Variants in ZNF823 observed in about 807,000 individuals in gnomAD.
The protein encoded by ZNF823 is ZFP 36 for a zinc finger protein.
In ZNF823, 5 loss-of-function variants were observed where a neutral mutation model predicts 11.4. That is an observed-to-expected ratio of 0.44 (90% CI 0.23 to 0.92). The LOEUF is 0.92. Among genes scored for constraint, ZNF823 ranks in the 40% least tolerant of loss-of-function variants. ZNF823 has a pLI of 0.24. For missense variants in ZNF823, 582 were observed against 738.5 expected, an observed-to-expected ratio of 0.79 and a Z score of 2.46; for synonymous variants, 234 against 250.5, an observed-to-expected ratio of 0.93 and a Z score of 0.62.
rs1325256455 is a variant in ZNF823 at position 11,724,197 on chromosome 19, A to G, written c.188T>C (p.Leu63Pro). 1 of 1,608,734 alleles carries G rather than the reference A, an allele frequency of 6.2e-7. No individual in the cohort carries two copies. The highest frequency in any genetic ancestry group is 2.2e-5 in the East Asian group (1 of 44,584). ...GDQCQNAKRNLRSHTCEIKDD... is the reference protein window; with the variant it reads ...GDQCQNAKRNPRSHTCEIKDD... Reference sequence around the variant, plus strand: ...TTCTTTTGTGGGTGCAAATTACCTTAGATTTCTCTTGGCATTTTGGCACTG... The same window carrying G: ...TTCTTTTGTGGGTGCAAATTACCTTGGATTTCTCTTGGCATTTTGGCACTG... Residue 63 changes from leucine (L) to proline (P), a missense_variant, in exon 3 of 4, where the codon CTA becomes CCA. Coordinates refer to ENST00000341191, the MANE Select transcript of ZNF823 (RefSeq NM_001080493.4).
At chr19:11,728,180 ACT>A (rs1192867707) in intron 1 of ZNF823, among the ~76,000 whole-genome samples, 1 of 151,884 alleles carries the variant, frequency 6.6e-6, no homozygotes, top group East Asian at 1.9e-4. Flanking sequence ...CCCGGCCAAG[ACT>A]CTCTTTTCCA....
intron 1 of ZNF823, among the ~76,000 whole-genome samples, chr19:11,738,331 G>A (rs1194833810): frequency 6.6e-6 from 1 of 152,188 alleles, no homozygotes; most frequent in South Asian, 2.1e-4. Context: ...AGTCCCAGGA[G>A]TCACCTCTCA....
chr19:11,731,932 C>A (rs534172828), intron 1 of ZNF823, among the ~76,000 whole-genome samples: 5 of 150,898 alleles, frequency 3.3e-5, no homozygotes, highest in Non-Finnish European at 7.4e-5. Context: ...TCGTTTGAAC[C>A]CGTGAGGCAG....
chr19:11,727,816 A>G (rs1198167788), intron 1 of ZNF823, among the ~76,000 whole-genome samples: 1 of 152,144 alleles, frequency 6.6e-6, no homozygotes, highest in Non-Finnish European at 1.5e-5. Flanking sequence ...TCTTACTTGC[A>G]AATTATTGCC....
chr19:11,730,948 G>A (rs754381144), intron 1 of ZNF823, among the ~76,000 whole-genome samples: 1 of 151,218 alleles, frequency 6.6e-6, no homozygotes, highest in Non-Finnish European at 1.5e-5. Flanking sequence ...AGTGAAGTGG[G>A]TGACCCACAC....
In ZNF823 at chr19:11,723,267, G is replaced by C. The variant is rs1328288084; in HGVS notation, c.267C>G (p.Asn89Lys). ...ATGGATTTACTCGAGGAGTGTTCTT[G>C]TTCACAATACTATCTGGAATCTGGC... ...TFGQIPDSIV[N>K]KNTPRVNPCD... Residue 89 changes from asparagine to lysine, a missense_variant, in exon 4 of 4, where the codon AAC (asparagine) becomes AAG (lysine). Transcript: ENST00000341191. 3.7e-6 allele frequency: 6 copies of C among 1,613,874 alleles called. No individual in the cohort carries two copies. In the African/African-American group the frequency reaches 5.3e-5, roughly 14 times the overall value.
intron 2 of ZNF823, 85 bp from the exon 3 acceptor site, chr19:11,724,339 C>T (rs780005232): frequency 3.3e-6 from 4 of 1,228,290 alleles, no homozygotes; most frequent in Non-Finnish European, 4.5e-6. Flanking sequence ...TGCAATCATG[C>T]ATGATTCATT....
rs755773525 is a variant in ZNF823 at position 11,722,883 on chromosome 19, C to A, written c.651G>T (p.Glu217Asp). The A allele has an allele frequency of 8.1e-6, 13 of 1,614,050 alleles. No homozygotes were observed. The highest frequency in any genetic ancestry group is 3.3e-5 in the Admixed American group (2 of 59,996). The change falls in exon 4 of 4, where the codon GAG becomes GAT. Residue 217 changes from glutamate (E) to aspartate (D), a missense_variant. Glu to Asp is a conservative substitution (Grantham distance 45, BLOSUM62 2). Transcript: ENST00000341191. The surrounding 1 kb of genome is among the most constrained non-coding windows in gnomAD (Gnocchi z 5.2). ...FHLHERTHTG[E>D]KPYECKQCSK... ...AACACTGCTTACATTCATACGGTTT[C>A]TCTCCAGTGTGTGTTCTTTCGTGCA...
intron 1 of ZNF823, among the ~76,000 whole-genome samples, chr19:11,729,921 G>A (rs910533932): frequency 7.0e-6 from 1 of 142,832 alleles, no homozygotes; most frequent in African/African-American, 2.6e-5. Flanking sequence ...CCTGAGTAAA[G>A]AATCTTTTTT....
intron 2 of ZNF823, 97 bp from the exon 3 acceptor site, chr19:11,724,351 A>G (rs979554819): frequency 9.3e-7 from 1 of 1,076,710 alleles, no homozygotes; most frequent in Non-Finnish European, 1.3e-6. Flanking sequence ...TGATTCATTC[A>G]CCAAAGTACA....
chr19:11,737,492 C>T (rs1002414323), intron 1 of ZNF823, among the ~76,000 whole-genome samples: 1 of 151,580 alleles, frequency 6.6e-6, no homozygotes, highest in Non-Finnish European at 1.5e-5. Context: ...GAACTCCCGA[C>T]CTCAGGTGAT....
chr19:11,734,903 A>G (rs1312096946), intron 1 of ZNF823, among the ~76,000 whole-genome samples: 3 of 152,212 alleles, frequency 2.0e-5, no homozygotes, highest in Non-Finnish European at 4.4e-5. Flanking sequence ...TCTGTGATGT[A>G]GGATCTGATT....
intron 1 of ZNF823, chr19:11,726,073 C>CAAAAAA (rs4052622): frequency 3.5e-5 from 3 of 84,708 alleles, no homozygotes; most frequent in Non-Finnish European, 7.4e-5. Flanking sequence ...ATAAAAAATA[C>CAAAAAA]AAAAAAAAAA....
intron 1 of ZNF823, 25 bp downstream of exon 1, chr19:11,738,792 G>A (rs1313262426): frequency 6.2e-7 from 1 of 1,607,862 alleles, no homozygotes; most frequent in Admixed American, 1.7e-5. Context: ...TCTTTGCCTC[G>A]GGACGCCGGG....
chr19:11,724,094 T>G, intron 3 of ZNF823, 100 bp downstream of exon 3: 1 of 965,112 alleles, frequency 1.0e-6, no homozygotes, highest in Non-Finnish European at 1.5e-6. Flanking sequence ...TGAATAAATT[T>G]AAGCTGGGCT....
At chr19:11,723,716 TGTATTTTTA>T (rs914089705) in intron 3 of ZNF823, among the ~76,000 whole-genome samples, 1 of 152,160 alleles carries the variant, frequency 6.6e-6, no homozygotes, top group African/African-American at 2.4e-5. Flanking sequence ...CTGCTAATTT[TGTATTTTTA>T]GTAGAGACAG....
chr19:11,723,482 G>T, intron 3 of ZNF823, 140 bp from the exon 4 acceptor site: 1 of 692,792 alleles, frequency 1.4e-6, no homozygotes, highest in Non-Finnish European at 2.4e-6. Flanking sequence ...TGACAGTGCT[G>T]TGTAAGATGG....
intron 1 of ZNF823, among the ~76,000 whole-genome samples, chr19:11,726,510 C>A (rs534757246): frequency 6.6e-6 from 1 of 151,816 alleles, no homozygotes; most frequent in African/African-American, 2.4e-5. Flanking sequence ...GGTACTAATC[C>A]ATTCATAGAT....
At chr19:11,732,642 C>A (rs189468212) in intron 1 of ZNF823, among the ~76,000 whole-genome samples, 7 of 151,462 alleles carry the variant, frequency 4.6e-5, no homozygotes, top group Admixed American at 2.6e-4. Context: ...ACGGTGTTAG[C>A]CAGGATGGTC....
Sources: allele counts gnomAD v4.1 joint callset (sites outside exome capture counted in the v4.1 genomes callset), GRCh38; gene constraint gnomAD v4.1.1; non-coding constraint Gnocchi (gnomAD v3.1); transcripts MANE v1.5; gene names NCBI Gene and HGNC (gene_info 2026-07-23, HGNC 2026-07-21).